The following ZDHHC20 variants were observed in gnomAD, a reference collection of about 807,000 sequenced individuals.
ZDHHC20 encodes palmitoyltransferase ZDHHC20.
ZDHHC20 carries 43 observed loss-of-function variants against 57.8 expected under a neutral mutation model. The observed-to-expected ratio is 0.74, with a 90% CI of 0.58 to 0.96. The LOEUF (loss-of-function observed/expected upper bound fraction) is 0.96, where lower values mean the gene tolerates loss of function less well. Among genes scored for constraint, ZDHHC20 ranks in the 40% least tolerant of loss-of-function variants. The pLI, the probability that ZDHHC20 is intolerant of heterozygous loss-of-function variation, is 0.00. For synonymous variants in ZDHHC20, 157 were observed against 153.0 expected (o/e 1.03, Z -0.19); for missense variants, 391 against 441.1 (o/e 0.89, Z 1.02).
At chr13:21,448,207 C>A (rs1311042288) in intron 1 of ZDHHC20, among the ~76,000 whole-genome samples, 1 of 93,144 alleles carries the variant, frequency 1.1e-5, no homozygotes, top group East Asian at 2.4e-4. Context: ...GGTCAGCCCC[C>A]CGCCCGGCCA....
chr13:21,405,234 T>C (rs1313166214), intron 4 of ZDHHC20, among the ~76,000 whole-genome samples: 1 of 152,354 alleles, frequency 6.6e-6, no homozygotes, highest in East Asian at 1.9e-4. Flanking sequence ...TATTAAATGT[T>C]ATTTTTAACA....
chr13:21,435,112 T>C (rs1474033485), intron 1 of ZDHHC20, among the ~76,000 whole-genome samples: 4 of 152,200 alleles, frequency 2.6e-5, no homozygotes, highest in Non-Finnish European at 2.9e-5. Flanking sequence ...TTTTCAATCT[T>C]TTGGTATGGC....
Position 21,374,997 on chromosome 13 carries a change from G to C in ZDHHC20, c.*1699C>G, listed in dbSNP as rs1311757573. On this transcript the variant is annotated 3_prime_UTR_variant, in exon 13 of 13. Coordinates refer to ENST00000400590, the MANE Select transcript of ZDHHC20 (RefSeq NM_001330059.2). ...AAAAATGTGAAAATTAGCCGGGCATGGTGGCATGAGCCTGTAATCCCAGCT... is the reference window on the plus strand; with the variant it reads ...AAAAATGTGAAAATTAGCCGGGCATCGTGGCATGAGCCTGTAATCCCAGCT... 2.6e-6 allele frequency: 1 copy of C among 383,874 alleles called. No individual in the cohort carries two copies. Among genetic ancestry groups the C allele is most frequent in the African/African-American group, 2.1e-5 (1 of 47,300 alleles). The allele number at this position is 383,874 out of a possible 1,614,324, so 23.8% of individuals were successfully genotyped here.
chr13:21,378,783 A>AG (rs1388463212), intron 11 of ZDHHC20, 45 bp from the exon 12 acceptor site: 2 of 1,162,784 alleles, frequency 1.7e-6, no homozygotes, highest in Non-Finnish European at 2.3e-6. Context: ...AAAAAAAAAA[A>AG]AAGAAGTATT....
At chr13:21,425,862 T>A (rs1011803758) in intron 1 of ZDHHC20, among the ~76,000 whole-genome samples, 184 bp from the exon 2 acceptor site, 14 of 152,166 alleles carry the variant, frequency 9.2e-5, no homozygotes, top group African/African-American at 3.4e-4. Context: ...AATACTAAAA[T>A]CCAAATTCTT....
At chr13:21,388,768 A>G (rs1055208994) in intron 8 of ZDHHC20, among the ~76,000 whole-genome samples, 1 of 152,234 alleles carries the variant, frequency 6.6e-6, no homozygotes, top group African/African-American at 2.4e-5. Context: ...ATCCTTCTAC[A>G]GCTTTCAACA....
chr13:21,447,441 C>T (rs1028151320), intron 1 of ZDHHC20, among the ~76,000 whole-genome samples: 5 of 148,044 alleles, frequency 3.4e-5, no homozygotes, highest in Admixed American at 6.8e-5. Flanking sequence ...TGCAGGCACG[C>T]GCCGCCACGC....
chr13:21,424,642 C>T lies in ZDHHC20; in HGVS notation c.145+1010G>A, dbSNP rs536766375. On this transcript the variant is annotated intron_variant, in intron 2 of 12. Transcript: ENST00000400590. ...AGGAGAATGGCGTGAACCTGGGAGG[C>T]GGAGCTTGCAGTGAGCCTAGATTGC... 2.5e-4 allele frequency among the ~76,000 whole-genome samples: 38 copies of T among 149,192 alleles called. 1 individual carries two copies. In the East Asian group the frequency reaches 3.4e-3, roughly 13 times the overall value.
intron 4 of ZDHHC20, 102 bp from the exon 5 acceptor site, chr13:21,402,968 T>A (rs1469569857): frequency 9.8e-6 from 8 of 818,844 alleles, no homozygotes. Context: ...GGGTAATTGA[T>A]AACTAATAAT....
chr13:21,420,030 T>C (rs561683005), intron 3 of ZDHHC20, among the ~76,000 whole-genome samples: 1 of 152,304 alleles, frequency 6.6e-6, no homozygotes, highest in Non-Finnish European at 1.5e-5. Flanking sequence ...CTCACGCCTG[T>C]AATCCCAGCA....
intron 5 of ZDHHC20, 130 bp downstream of exon 5, chr13:21,402,667 A>C (rs1349002094): frequency 2.7e-6 from 2 of 731,328 alleles, no homozygotes; most frequent in African/African-American, 3.5e-5. Flanking sequence ...CCCTGTATGC[A>C]CAGCAAATAA....
intron 11 of ZDHHC20, 28 bp from the exon 12 acceptor site, chr13:21,378,766 G>C: frequency 1.5e-6 from 1 of 689,108 alleles, no homozygotes; most frequent in Non-Finnish European, 1.9e-6. Context: ...TATATGACAT[G>C]ACAAAAAAAA....
At position 21,459,154 on chromosome 13, in the gene ZDHHC20, C is replaced by G; in HGVS notation, c.18G>C (p.Leu6=). MAPWT[L]WRCCQRVVGW... is the part of the protein sequence containing the mutation. ...CCACGACGCGCTGGCAGCAGCGCCA[C>G]AGCGTCCAGGGCGCCATGTTCCGCT... Residue 6 remains leucine, a synonymous_variant, in exon 1 of 13, where the codon CTG becomes CTC. Transcript: ENST00000400590. 6.2e-7 allele frequency: 1 copy of G among 1,603,332 alleles called. No individual in the cohort carries two copies. Among genetic ancestry groups the G allele is most frequent in the Non-Finnish European group, 8.5e-7 (1 of 1,176,106 alleles).
rs1882585506 is a variant in ZDHHC20, at chr13:21,436,704, C to T, written c.119-11026G>A. Among the ~76,000 whole-genome samples the T allele has an allele frequency of 1.3e-5, 2 of 152,144 alleles. 1 individual carries two copies. Among genetic ancestry groups the T allele is most frequent in the Admixed American group, 1.3e-4 (2 of 15,278 alleles). On this transcript the variant is annotated intron_variant, in intron 1 of 12. Transcript: ENST00000400590. ...GAGACACAACAATACTGCAATCAAG[C>T]CAATTAATAATCCTACAATGGCCTC...
chr13:21,430,959 G>C (rs1285189390), intron 1 of ZDHHC20, among the ~76,000 whole-genome samples: 1 of 152,136 alleles, frequency 6.6e-6, no homozygotes, highest in Non-Finnish European at 1.5e-5. Flanking sequence ...AGAACTGGAA[G>C]TCCCTGCTTG....
intron 1 of ZDHHC20, among the ~76,000 whole-genome samples, chr13:21,448,303 C>A (rs1359893560): frequency 1.2e-5 from 1 of 85,074 alleles, no homozygotes; most frequent in Non-Finnish European, 3.0e-5. Flanking sequence ...CCAGCCGCCC[C>A]GTCCGGGAGG....
rs1445417916 is a variant in ZDHHC20, at chr13:21,448,342, C to A, written c.118+10712G>T. Among the ~76,000 whole-genome samples the A allele has an allele frequency of 2.6e-3, 295 of 111,898 alleles. 8 individuals carry two copies. Among genetic ancestry groups the A allele is most frequent in the Non-Finnish European group, 4.7e-3 (224 of 47,372 alleles). The allele number at this position is 111,898 out of a possible 152,430, so 73.4% of individuals were successfully genotyped here. A position where few individuals can be genotyped will look rare whatever the true frequency, so the allele number is the denominator to read the frequency against. On this transcript the variant is annotated intron_variant, in intron 1 of 12. Transcript: ENST00000400590. ...GTGGGGGGGTCAGCCCCCCGCCCGG[C>A]CAGCCGCCCCGTCCGGGAGGGAGGT...
chr13:21,427,159 T>G (rs1881363179), intron 1 of ZDHHC20, among the ~76,000 whole-genome samples: 1 of 152,234 alleles, frequency 6.6e-6, no homozygotes, highest in African/African-American at 2.4e-5. Flanking sequence ...TTTTTTCTTT[T>G]TATTTTTTCA....
chr13:21,392,510 C>CT (rs1297184648), intron 7 of ZDHHC20, among the ~76,000 whole-genome samples: 2 of 152,150 alleles, frequency 1.3e-5, no homozygotes, highest in African/African-American at 4.8e-5. Flanking sequence ...TCTACAGAGC[C>CT]TTTGTGCATA....
Sources: allele counts gnomAD v4.1 joint callset (sites outside exome capture counted in the v4.1 genomes callset), GRCh38; gene constraint gnomAD v4.1.1; transcripts MANE v1.5; gene names NCBI Gene and HGNC (gene_info 2026-07-23, HGNC 2026-07-21).